The following TTC7B variants were observed in gnomAD, a reference collection of about 807,000 sequenced individuals.
The protein encoded by TTC7B is tetratricopeptide repeat domain 7B, also known as tetratricopeptide repeat protein 7B.
TTC7B carries 28 observed loss-of-function variants against 106.8 expected under a neutral mutation model. The observed-to-expected ratio is 0.26, with a 90% CI of 0.19 to 0.36. The LOEUF is 0.36. TTC7B is among the 10% of genes least tolerant of loss of function. The pLI is 1.00. For missense variants in TTC7B, 862 were observed against 1,076.4 expected (o/e 0.80, Z 2.79); for synonymous variants, 405 against 430.6 (o/e 0.94, Z 0.74).
intron 3 of TTC7B, among the ~76,000 whole-genome samples, chr14:90,746,766 A>G (rs762197450): frequency 5.3e-5 from 8 of 152,236 alleles, no homozygotes; most frequent in Non-Finnish European, 8.8e-5. Flanking sequence ...TTTGATATTC[A>G]GTTCACAATA....
chr14:90,773,078 C>T (rs966152502), intron 3 of TTC7B: 1 of 152,254 alleles, frequency 6.6e-6, no homozygotes, highest in Non-Finnish European at 1.5e-5. Context: ...GCGTGGCAGG[C>T]AGGGCCTTCA....
intron 15 of TTC7B, among the ~76,000 whole-genome samples, chr14:90,620,539 G>A (rs553870516): frequency 1.3e-5 from 2 of 152,320 alleles, no homozygotes; most frequent in African/African-American, 2.4e-5. Flanking sequence ...AGGCATGAGT[G>A]CCAAGCAATT....
intron 4 of TTC7B, among the ~76,000 whole-genome samples, chr14:90,732,950 T>C (rs1031601677): frequency 9.2e-5 from 14 of 152,186 alleles, no homozygotes; most frequent in Non-Finnish European, 1.5e-4. Context: ...CACAGCATCC[T>C]TTCCTATTCC....
At chr14:90,773,699 T>C (rs763363944) in intron 3 of TTC7B, among the ~76,000 whole-genome samples, 1 of 152,140 alleles carries the variant, frequency 6.6e-6, no homozygotes, top group Non-Finnish European at 1.5e-5. Context: ...ACACTGAACT[T>C]CATGCAGTTT....
chr14:90,618,596 G>A (rs1296997767), intron 15 of TTC7B, among the ~76,000 whole-genome samples: 8 of 152,184 alleles, frequency 5.3e-5, no homozygotes, highest in South Asian at 4.1e-4. Flanking sequence ...GGCTCGTTCC[G>A]CAATCACCTA....
intron 12 of TTC7B, among the ~76,000 whole-genome samples, chr14:90,653,506 C>T (rs1410083770): frequency 6.6e-6 from 1 of 152,170 alleles, no homozygotes; most frequent in Non-Finnish European, 1.5e-5. Context: ...AGCATGAGGC[C>T]ACCTCGCTGT....
chr14:90,712,297 T>A (rs531821334), intron 5 of TTC7B, among the ~76,000 whole-genome samples: 1 of 152,194 alleles, frequency 6.6e-6, no homozygotes, highest in African/African-American at 2.4e-5. Context: ...GACAATGCAA[T>A]AAGGCAATAA....
intron 19 of TTC7B, among the ~76,000 whole-genome samples, chr14:90,560,042 A>G (rs1400147163): frequency 6.6e-6 from 1 of 152,306 alleles, no homozygotes; most frequent in East Asian, 1.9e-4. Context: ...CACAAGCGCC[A>G]TGTGCCCCAG....
chr14:90,796,189 G>T (rs1282666301), intron 1 of TTC7B, among the ~76,000 whole-genome samples: 4 of 152,206 alleles, frequency 2.6e-5, no homozygotes, highest in Non-Finnish European at 5.9e-5. Flanking sequence ...TGGTTTTGAA[G>T]TCCCTCTCCT....
At chr14:90,604,796 G>T (rs1314416553) in intron 17 of TTC7B, among the ~76,000 whole-genome samples, 1 of 152,158 alleles carries the variant, frequency 6.6e-6, no homozygotes, top group Non-Finnish European at 1.5e-5. Flanking sequence ...TTCACACAGG[G>T]ATCTTTCTTG....
chr14:90,595,042 A>G (rs1892147591), intron 17 of TTC7B, among the ~76,000 whole-genome samples: 1 of 152,218 alleles, frequency 6.6e-6, no homozygotes, highest in Admixed American at 6.5e-5. Flanking sequence ...CTGAGTTAAA[A>G]GAGTCTAGTG....
At chr14:90,789,960 C>T (rs1367223135) in intron 1 of TTC7B, among the ~76,000 whole-genome samples, 2 of 151,646 alleles carry the variant, frequency 1.3e-5, no homozygotes, top group Non-Finnish European at 2.9e-5. Context: ...ATTAATGAGA[C>T]CTTACATTCT....
chr14:90,680,331 A>C (rs1595275382), intron 8 of TTC7B, 141 bp downstream of exon 8: 1 of 623,612 alleles, frequency 1.6e-6, no homozygotes, highest in East Asian at 2.8e-5. Flanking sequence ...TTAAACCTCT[A>C]CTGTTTTTTC....
intron 19 of TTC7B, among the ~76,000 whole-genome samples, chr14:90,554,369 G>A (rs1890212468): frequency 1.3e-5 from 2 of 152,234 alleles, no homozygotes; most frequent in African/African-American, 4.8e-5. Flanking sequence ...CCCGGAGAGG[G>A]TAAGTGTCCT....
Position 90,541,106 on chromosome 14 carries a change from A to C in TTC7B, c.*262T>G. On this transcript the variant is annotated 3_prime_UTR_variant, in exon 20 of 20. Coordinates refer to ENST00000328459, the MANE Select transcript of TTC7B (RefSeq NM_001010854.2). The stretch of plus-strand genomic sequence containing the variant: ...CATTTTACTGAAAACTCAGATGTCA[A>C]CTAACAAAATATGGCACATGATCCA... 1 of 406,930 alleles carries C rather than the reference A, an allele frequency of 2.5e-6. No homozygotes were observed. The highest frequency in any genetic ancestry group is 4.3e-6 in the Non-Finnish European group (1 of 229,910). The allele number at this position is 406,930 out of a possible 1,614,324, so 25.2% of individuals were successfully genotyped here. A position where few individuals can be genotyped will look rare whatever the true frequency, so the allele number is the denominator to read the frequency against.
At chr14:90,774,550 C>G (rs1890964616) in intron 3 of TTC7B, among the ~76,000 whole-genome samples, 1 of 152,246 alleles carries the variant, frequency 6.6e-6, no homozygotes, top group Non-Finnish European at 1.5e-5. Context: ...TCCACCCCCT[C>G]TGTGAACAGA....
chr14:90,579,560 G>C (rs961433956), intron 18 of TTC7B, among the ~76,000 whole-genome samples: 3 of 152,256 alleles, frequency 2.0e-5, no homozygotes, highest in Non-Finnish European at 4.4e-5. Context: ...TACTTTGGGA[G>C]GCCGAGGCGG....
intron 3 of TTC7B, chr14:90,766,561 C>T: frequency 2.5e-6 from 2 of 788,542 alleles, no homozygotes; most frequent in Middle Eastern, 3.6e-4. Flanking sequence ...AAAGTTCCAG[C>T]ATATTTTGTG....
intron 18 of TTC7B, among the ~76,000 whole-genome samples, chr14:90,591,590 G>T (rs545724097): frequency 1.3e-5 from 2 of 152,286 alleles, no homozygotes; most frequent in East Asian, 1.9e-4. Context: ...TCGAGGTCAG[G>T]GGGGCTAGTT....
Sources: gnomAD v4.1 joint callset for allele counts (sites outside exome capture counted in the v4.1 genomes callset) on GRCh38, gnomAD v4.1.1 for gene constraint, MANE v1.5 for transcripts, NCBI Gene and HGNC (gene_info 2026-07-23, HGNC 2026-07-21) for gene names.